CXXC4: variants seen among roughly 807,000 people sequenced by gnomAD.
CXXC4 encodes CXXC-type zinc finger protein 4.
CXXC4 carries 5 observed loss-of-function variants against 20.5 expected under a neutral mutation model. The ratio of observed to expected loss-of-function variants is 0.24; its 90% CI spans 0.13 to 0.51. The LOEUF (loss-of-function observed/expected upper bound fraction) is 0.51, where lower values mean the gene tolerates loss of function less well. CXXC4 is among the 20% of genes least tolerant of loss of function. The pLI, the probability that CXXC4 is intolerant of heterozygous loss-of-function variation, is 0.97. For synonymous variants in CXXC4, 250 were observed against 216.4 expected, an observed-to-expected ratio of 1.16 and a Z score of -1.36; for missense variants, 419 against 496.4, an observed-to-expected ratio of 0.84 and a Z score of 1.48.
chr4:104,476,775 C>T (rs1003334920), intron 2 of CXXC4, among the ~76,000 whole-genome samples: 21 of 152,226 alleles, frequency 1.4e-4, no homozygotes, highest in African/African-American at 4.6e-4. Context: ...TGATTTCCAA[C>T]TGAAGGTCAC....
intron 2 of CXXC4, among the ~76,000 whole-genome samples, chr4:104,476,974 T>C (rs1354117893): frequency 6.6e-6 from 1 of 152,138 alleles, no homozygotes; most frequent in Non-Finnish European, 1.5e-5. Context: ...GTATAACCTT[T>C]TGAAATATTG....
rs778744702 is a variant in CXXC4 at position 104,472,024 on chromosome 4, A to G, written c.*298T>C. Reference sequence around the variant, plus strand: ...TTACAGCAGGGGTTTACCCAAACTTATTTTTTACAGCCACTTTCAAAATAG... The same window carrying G: ...TTACAGCAGGGGTTTACCCAAACTTGTTTTTTACAGCCACTTTCAAAATAG... On this transcript the variant is annotated 3_prime_UTR_variant, in exon 3 of 3. Transcript: ENST00000394767. The G allele has an allele frequency of 2.0e-4, 51 of 249,290 alleles. No individual in the cohort carries two copies. Among genetic ancestry groups the G allele is most frequent in the Non-Finnish European group, 3.6e-4 (47 of 132,212 alleles). 15.4% of individuals were successfully genotyped at this position (249,290 alleles called of 1,614,324 possible). A position where few individuals can be genotyped will look rare whatever the true frequency, so the allele number is the denominator to read the frequency against.
At position 104,491,402 on chromosome 4, in the gene CXXC4, C is replaced by A; in HGVS notation, c.401G>T (p.Gly134Val). Residue 134 changes from glycine (G) to valine (V), a missense_variant, in exon 2 of 3, where the codon GGC (glycine) becomes GTC (valine). Gly to Val is a moderately radical substitution (Grantham distance 109). Transcript: ENST00000394767. Reference sequence around the variant, plus strand: ...GGCGGCGGCGGAGGAGGATTTCCTGCCGCCCCCACCACCCCCGCCCCCGCC... The same window carrying A: ...GGCGGCGGCGGAGGAGGATTTCCTGACGCCCCCACCACCCCCGCCCCCGCC... ...GGGGGGGGGG[G>V]RKSSSAAASS... 1 of 1,166,566 alleles carries A rather than the reference C, an allele frequency of 8.6e-7. No individual in the cohort carries two copies. The highest frequency in any genetic ancestry group is 3.2e-5 in the East Asian group (1 of 31,342). The allele number at this position is 1,166,566 out of a possible 1,614,324, so 72.3% of individuals were successfully genotyped here. A position where few individuals can be genotyped will look rare whatever the true frequency, so the allele number is the denominator to read the frequency against.
intron 2 of CXXC4, among the ~76,000 whole-genome samples, 169 bp downstream of exon 2, chr4:104,490,575 G>C (rs1239210179): frequency 6.6e-6 from 1 of 152,210 alleles, no homozygotes; most frequent in Non-Finnish European, 1.5e-5. Context: ...CAGCTGGTGC[G>C]GGTGGTGGAG....
chr4:104,491,526 T>G lies in CXXC4; in HGVS notation c.277A>C (p.Asn93His). ...RIGMSPWNCD[N>H]AATAAAATAM... ...GTGGCGGCGGCGGCGGTGGCCGCGT[T>G]GTCGCAGTTCCAGGGGGACATGCCG... is the stretch of plus-strand genomic sequence containing the variant. The change falls in exon 2 of 3, where the codon AAC becomes CAC. Residue 93 changes from asparagine to histidine, a missense_variant. This residue lies in a region of CXXC4 where 388 missense variants were observed against 416.0 expected (regional missense o/e 0.93). Coordinates refer to ENST00000394767, the MANE Select transcript of CXXC4 (RefSeq NM_025212.4). The G allele has an allele frequency of 1.5e-6, 2 of 1,326,832 alleles. No homozygotes were observed. The highest frequency in any genetic ancestry group is 2.0e-6 in the Non-Finnish European group (2 of 1,024,510). 82.2% of individuals were successfully genotyped at this position (1,326,832 alleles called of 1,614,324 possible).
Position 104,491,682 on chromosome 4 carries a change from G to C in CXXC4, c.121C>G (p.Arg41Gly). 6.5e-7 allele frequency: 1 copy of C among 1,545,350 alleles called. No homozygotes were observed. The highest frequency in any genetic ancestry group is 8.7e-7 in the Non-Finnish European group (1 of 1,144,676). The change falls in exon 2 of 3, where the codon CGC (arginine) becomes GGC (glycine). Residue 41 changes from arginine (R) to glycine (G), a missense_variant. Around this residue, in one of 3 missense-constraint regions of CXXC4, gnomAD observed 388 missense variants for 416.0 expected, o/e 0.93. Transcript: ENST00000394767. ...AAGGAGGTGGCAAAGGAGCGGTAGC[G>C]CTCCATTTCCGAGTTGTAATCCACA... ...SLVDYNSEME[R>G]YRSFATSFYK...
intron 2 of CXXC4, 123 bp downstream of exon 2, chr4:104,490,621 C>A (rs551805854): frequency 1.1e-6 from 1 of 924,314 alleles, no homozygotes; most frequent in East Asian, 2.4e-5. Flanking sequence ...ACAACTCTTA[C>A]CACCTGAATG....
chr4:104,480,669 G>C (rs954774311), intron 2 of CXXC4, among the ~76,000 whole-genome samples: 1 of 151,664 alleles, frequency 6.6e-6, no homozygotes, highest in African/African-American at 2.4e-5. Flanking sequence ...CCAGACCCAT[G>C]ACACCTTTCC....
At chr4:104,483,101 C>A (rs1193000880) in intron 2 of CXXC4, among the ~76,000 whole-genome samples, 1 of 151,946 alleles carries the variant, frequency 6.6e-6, no homozygotes, top group African/African-American at 2.4e-5. Flanking sequence ...GTTTCAAATG[C>A]ATAAGTAAAA....
intron 2 of CXXC4, among the ~76,000 whole-genome samples, chr4:104,477,652 G>A (rs966032959): frequency 6.6e-6 from 1 of 151,768 alleles, no homozygotes; most frequent in Non-Finnish European, 1.5e-5. Flanking sequence ...AATAATATAA[G>A]AGAACTATTA....
chr4:104,491,811 G>A lies in CXXC4; in HGVS notation c.-9C>T, dbSNP rs1736889422. The A allele has an allele frequency of 5.6e-6, 8 of 1,423,406 alleles. No individual in the cohort carries two copies. The East Asian group carries it at 1.8e-4, about 32-fold the overall frequency. 88.2% of individuals were successfully genotyped at this position (1,423,406 alleles called of 1,614,324 possible). On this transcript the variant is annotated 5_prime_UTR_variant, in exon 2 of 3. Transcript: ENST00000394767. ...CAGACATTGGTGTTCATGGTGCAGGGGGGGAAGAAGGGGTGCAGGGTGGAA... is the reference window on the plus strand; with the variant it reads ...CAGACATTGGTGTTCATGGTGCAGGAGGGGAAGAAGGGGTGCAGGGTGGAA...
chr4:104,491,319 C>T lies in CXXC4; in HGVS notation c.484G>A (p.Gly162Ser). Residue 162 changes from glycine to serine, a missense_variant, in exon 2 of 3, where the codon GGC becomes AGC. This residue lies in a region of CXXC4 where 388 missense variants were observed against 416.0 expected (regional missense o/e 0.93). Transcript: ENST00000394767. ...ATGCTGGTCCTGCTGCCGCCGCCGC[C>T]GCCGCCGCCGCCACCGCCGGCGGGG... ...ILPAGGGGGG[G>S]GGGSRTSMHH... 1 of 1,554,350 alleles carries T rather than the reference C, an allele frequency of 6.4e-7. No homozygotes were observed. Among genetic ancestry groups the T allele is most frequent in the Non-Finnish European group, 8.7e-7 (1 of 1,153,064 alleles).
Position 104,491,377 on chromosome 4 carries a change from G to A in CXXC4, c.426C>T (p.Ala142=). The A allele has an allele frequency of 7.3e-7, 1 of 1,370,370 alleles. No homozygotes were observed. The allele number at this position is 1,370,370 out of a possible 1,614,324, so 84.9% of individuals were successfully genotyped here. Residue 142 remains alanine, a synonymous_variant, in exon 2 of 3, where the codon GCC becomes GCT. Coordinates refer to ENST00000394767, the MANE Select transcript of CXXC4 (RefSeq NM_025212.4). ...GGGRKSSSAA[A]SSSASSSSAI... The stretch of plus-strand genomic sequence containing the variant: ...CCGAGGAGGAGGAGGCGGAGGAGGA[G>A]GCGGCGGCGGAGGAGGATTTCCTGC...
In CXXC4 at chr4:104,468,791, G is replaced by A. The variant is rs1467544291; in HGVS notation, c.*3531C>T. The A allele has an allele frequency of 1.3e-5, 2 of 151,428 alleles. No individual in the cohort carries two copies. Among genetic ancestry groups the A allele is most frequent in the African/African-American group, 2.4e-5 (1 of 41,318 alleles). 9.4% of individuals were successfully genotyped at this position (151,428 alleles called of 1,614,324 possible). A position where few individuals can be genotyped will look rare whatever the true frequency, so the allele number is the denominator to read the frequency against. ...CTAACCATGATCAAAGACCCGCTACGGCTTTTTGCTGAACATATTTGACCC... is the reference window on the plus strand; with the variant it reads ...CTAACCATGATCAAAGACCCGCTACAGCTTTTTGCTGAACATATTTGACCC... On this transcript the variant is annotated 3_prime_UTR_variant, in exon 3 of 3. Transcript: ENST00000394767.
chr4:104,491,402 C>G lies in CXXC4; in HGVS notation c.401G>C (p.Gly134Ala), dbSNP rs1736863416. ...GGGGGGGGGG[G>A]RKSSSAAASS... ...GGCGGCGGCGGAGGAGGATTTCCTGCCGCCCCCACCACCCCCGCCCCCGCC... is the reference window on the plus strand; with the variant it reads ...GGCGGCGGCGGAGGAGGATTTCCTGGCGCCCCCACCACCCCCGCCCCCGCC... Residue 134 changes from glycine (G) to alanine (A), a missense_variant, in exon 2 of 3, where the codon GGC (glycine) becomes GCC (alanine). Physicochemically the swap from Gly to Ala is moderately conservative, Grantham distance 60. Around this residue, in one of 3 missense-constraint regions of CXXC4, gnomAD observed 388 missense variants for 416.0 expected, o/e 0.93. Coordinates refer to ENST00000394767, the MANE Select transcript of CXXC4 (RefSeq NM_025212.4). 2 of 1,166,566 alleles carry G rather than the reference C, an allele frequency of 1.7e-6. No individual in the cohort carries two copies. Among genetic ancestry groups the G allele is most frequent in the Non-Finnish European group, 2.2e-6 (2 of 925,494 alleles). 72.3% of individuals were successfully genotyped at this position (1,166,566 alleles called of 1,614,324 possible).
intron 2 of CXXC4, among the ~76,000 whole-genome samples, chr4:104,478,015 T>C (rs537178846): frequency 6.6e-6 from 1 of 152,254 alleles, no homozygotes; most frequent in East Asian, 1.9e-4. Context: ...ACCAAATAAC[T>C]AGGTAATTTT....
In CXXC4 at chr4:104,468,505, A is replaced by G. The variant is rs1279093541; in HGVS notation, c.*3817T>C. On this transcript the variant is annotated 3_prime_UTR_variant, in exon 3 of 3. Transcript: ENST00000394767. ...AATTGCACAAGCATACATACACCTT[A>G]CACAAATATCTATTAGAAAATTTAA... The G allele has an allele frequency of 6.6e-6, 1 of 151,456 alleles. No homozygotes were observed. The highest frequency in any genetic ancestry group is 2.4e-5 in the African/African-American group (1 of 41,236). 9.4% of individuals were successfully genotyped at this position (151,456 alleles called of 1,614,324 possible).
intron 2 of CXXC4, among the ~76,000 whole-genome samples, chr4:104,473,129 G>C (rs539265766): frequency 5.7e-5 from 8 of 141,406 alleles, no homozygotes; most frequent in Admixed American, 1.3e-4. Flanking sequence ...TTATTCTGCA[G>C]ATTTTCTGAC....
At chr4:104,493,908 G>C (rs968063021) in intron 1 of CXXC4, among the ~76,000 whole-genome samples, 4 of 152,180 alleles carry the variant, frequency 2.6e-5, no homozygotes, top group Non-Finnish European at 5.9e-5. Context: ...ATTGAGTGGA[G>C]GGAAAATTTT....
Sources: gnomAD v4.1 joint callset for allele counts (sites outside exome capture counted in the v4.1 genomes callset) on GRCh38, gnomAD v4.1.1 for gene constraint, gnomAD v4.1.1 regional missense constraint, MANE v1.5 for transcripts, NCBI Gene and HGNC (gene_info 2026-07-23, HGNC 2026-07-21) for gene names.